Variants in SEPSECS observed in about 807,000 individuals in gnomAD.
SEPSECS encodes Sep (O-phosphoserine) tRNA:Sec (selenocysteine) tRNA synthase, also known as O-phosphoseryl-tRNA(Sec) selenium transferase.
Under a neutral mutation model 52.1 loss-of-function variants are expected in SEPSECS, and 42 were observed. The observed-to-expected ratio is 0.81, with a 90% CI of 0.63 to 1.04. The LOEUF is 1.04. Among genes scored for constraint, SEPSECS ranks in the 50% least tolerant of loss-of-function variants. SEPSECS has a pLI of 0.00. For synonymous variants in SEPSECS, 216 were observed against 211.4 expected, an observed-to-expected ratio of 1.02 and a Z score of -0.19; for missense variants, 590 against 610.6, an observed-to-expected ratio of 0.97 and a Z score of 0.36.
intron 8 of SEPSECS, among the ~76,000 whole-genome samples, chr4:25,131,130 A>AATTAT (rs1316057061): frequency 6.6e-6 from 1 of 152,226 alleles, no homozygotes; most frequent in Non-Finnish European, 1.5e-5. Context: ...AGAGAAGTTG[A>AATTAT]ATTATATTAA....
Position 25,124,171 on chromosome 4 carries a change from A to G in SEPSECS, c.1266T>C (p.Phe422=), listed in dbSNP as rs2109479314. The G allele has an allele frequency of 6.2e-7, 1 of 1,613,662 alleles. No individual in the cohort carries two copies. The highest frequency in any genetic ancestry group is 8.5e-7 in the Non-Finnish European group (1 of 1,179,714). Residue 422 remains phenylalanine (F), a synonymous_variant, in exon 11 of 11, where the codon TTT becomes TTC. Transcript: ENST00000382103. The part of the protein sequence containing the change: ...QTVSGYTFRG[F]MSHTNNYPCA... ...AAGGGTAATTATTTGTATGTGACAT[A>G]AAGCCTCTGAAAGTATAGCCACTCA...
intron 4 of SEPSECS, 139 bp from the exon 5 acceptor site, chr4:25,155,290 A>G (rs1712554251): frequency 1.1e-6 from 1 of 923,302 alleles, no homozygotes; most frequent in Non-Finnish European, 1.7e-6. Context: ...GGTAATAAAT[A>G]CACGGCTCAG....
At chr4:25,150,915 G>C (rs748650009) in intron 6 of SEPSECS, among the ~76,000 whole-genome samples, 1 of 152,116 alleles carries the variant, frequency 6.6e-6, no homozygotes, top group Non-Finnish European at 1.5e-5. Flanking sequence ...GCTGAGGTAG[G>C]AGGATCACTT....
chr4:25,149,294 G>A (rs1289605251), intron 6 of SEPSECS, among the ~76,000 whole-genome samples: 1 of 152,012 alleles, frequency 6.6e-6, no homozygotes, highest in Non-Finnish European at 1.5e-5. Flanking sequence ...TCAAACTCCT[G>A]GCTTCAAGTG....
rs183465966 is a variant in SEPSECS at position 25,124,705 on chromosome 4, A to G, written c.1212-480T>C. On this transcript the variant is annotated intron_variant, in intron 10 of 10. Transcript: ENST00000382103. ...TGTTACCTCAAATAATCAACAAACTAAAAGTCTAACTATCTGATCAGTGCT... is the reference window on the plus strand; with the variant it reads ...TGTTACCTCAAATAATCAACAAACTGAAAGTCTAACTATCTGATCAGTGCT... Among the ~76,000 whole-genome samples, 3 of 152,258 alleles carry G rather than the reference A, an allele frequency of 2.0e-5. No homozygotes were observed. The East Asian group carries it at 5.8e-4, about 29-fold the overall frequency.
rs962708006 is a variant in SEPSECS, at chr4:25,124,332, A to G, written c.1212-107T>C. ...AAAGCCTTACATCCACTTATTACGA[A>G]GTTTAAAACAGCCACAAATCATGGC... On this transcript the variant is annotated intron_variant, in intron 10 of 10. Transcript: ENST00000382103. The G allele has an allele frequency of 1.4e-5, 14 of 1,012,700 alleles. No individual in the cohort carries two copies. In the African/African-American group the frequency reaches 2.1e-4, roughly 15 times the overall value. The allele number at this position is 1,012,700 out of a possible 1,614,324, so 62.7% of individuals were successfully genotyped here.
intron 2 of SEPSECS, among the ~76,000 whole-genome samples, chr4:25,157,827 G>A: frequency 6.6e-6 from 1 of 152,064 alleles, no homozygotes; most frequent in Non-Finnish European, 1.5e-5. Context: ...TTACCGGCGT[G>A]AGCCACCGTG....
chr4:25,123,998 T>C lies in SEPSECS; in HGVS notation c.1439A>G (p.Asp480Gly). ...TAGTTTTAAAGCCATTTCTTCAATA[T>C]CCACATCTTCAGTTTTGTCATAATT... is the stretch of plus-strand genomic sequence containing the variant. ...DDNYDKTEDV[D>G]IEEMALKLDN... is the part of the protein sequence containing the mutation. The change falls in exon 11 of 11, where the codon GAT becomes GGT. Residue 480 changes from aspartate to glycine, a missense_variant. Coordinates refer to ENST00000382103, the MANE Select transcript of SEPSECS (RefSeq NM_016955.4). The C allele has an allele frequency of 6.2e-7, 1 of 1,613,570 alleles. No individual in the cohort carries two copies. Among genetic ancestry groups the C allele is most frequent in the South Asian group, 1.1e-5 (1 of 91,068 alleles).
chr4:25,123,893 C>T lies in SEPSECS; in HGVS notation c.*38G>A. 13 of 1,557,650 alleles carry T rather than the reference C, an allele frequency of 8.3e-6. No individual in the cohort carries two copies. The highest frequency in any genetic ancestry group is 1.2e-5 in the Non-Finnish European group (13 of 1,129,520). Reference sequence around the variant, plus strand: ...CTGCTTGCTTGTACTACAGCCTTATCATTTCTTTCAAATGATCAAGAAGAA... The same window carrying T: ...CTGCTTGCTTGTACTACAGCCTTATTATTTCTTTCAAATGATCAAGAAGAA... On this transcript the variant is annotated 3_prime_UTR_variant, in exon 11 of 11. Transcript: ENST00000382103.
chr4:25,128,074 C>T (rs1355717675), intron 8 of SEPSECS, among the ~76,000 whole-genome samples: 2 of 152,158 alleles, frequency 1.3e-5, no homozygotes, highest in African/African-American at 4.8e-5. Context: ...CAATCTCCTT[C>T]CCAATCCCAG....
rs142568584 is a variant in SEPSECS at position 25,135,046 on chromosome 4, G to C, written c.1027-7689C>G. ...AGAGATAACATACTGGAATCTCTGGGATACAGCTAAAGCAGTGTTAAAAGG... is the reference window on the plus strand; with the variant it reads ...AGAGATAACATACTGGAATCTCTGGCATACAGCTAAAGCAGTGTTAAAAGG... On this transcript the variant is annotated intron_variant, in intron 8 of 10. Transcript: ENST00000382103. 2.0e-3 allele frequency among the ~76,000 whole-genome samples: 300 copies of C among 152,262 alleles called. 2 individuals are homozygous for C. Among genetic ancestry groups the C allele is most frequent in the African/African-American group, 6.7e-3 (277 of 41,562 alleles).
chr4:25,155,275 C>G, intron 4 of SEPSECS, 124 bp from the exon 5 acceptor site: 1 of 1,063,798 alleles, frequency 9.4e-7, no homozygotes, highest in Non-Finnish European at 1.4e-6. Flanking sequence ...GATTAACCTT[C>G]CTCTGGTAAT....
intron 8 of SEPSECS, among the ~76,000 whole-genome samples, chr4:25,137,258 TATC>T (rs1728875125): frequency 6.6e-6 from 1 of 152,134 alleles, no homozygotes; most frequent in South Asian, 2.1e-4. Flanking sequence ...CAAAAGAAAC[TATC>T]ATCAGAGTGA....
chr4:25,159,328 T>C (rs1335760076), intron 1 of SEPSECS, among the ~76,000 whole-genome samples: 1 of 152,180 alleles, frequency 6.6e-6, no homozygotes, highest in Non-Finnish European at 1.5e-5. Flanking sequence ...GATAAATGCA[T>C]ACAATGAGGT....
rs564727210 is a variant in SEPSECS, at chr4:25,141,786, C to T, written c.1026+2988G>A. Among the ~76,000 whole-genome samples the T allele has an allele frequency of 2.0e-5, 3 of 152,284 alleles. No homozygotes were observed. The East Asian group carries it at 5.8e-4, about 29-fold the overall frequency. ...GGCCTAGAAGGCCCCACGTGATCAG[C>T]CCCACCCTCATTACCACCCTGACCT... On this transcript the variant is annotated intron_variant, in intron 8 of 10. Coordinates refer to ENST00000382103, the MANE Select transcript of SEPSECS (RefSeq NM_016955.4).
rs557794268 is a variant in SEPSECS, at chr4:25,129,306, A to G, written c.1027-1949T>C. ...CATTATCATTTCCAGAAACAAAAAA[A>G]AAGCATCTTTTCTTAGACATATAAA... is the stretch of plus-strand genomic sequence containing the variant. On this transcript the variant is annotated intron_variant, in intron 8 of 10. Coordinates refer to ENST00000382103, the MANE Select transcript of SEPSECS (RefSeq NM_016955.4). Among the ~76,000 whole-genome samples, 18 of 152,192 alleles carry G rather than the reference A, an allele frequency of 1.2e-4. 2 individuals carry two copies. The South Asian group carries it at 3.3e-3, about 28-fold the overall frequency.
chr4:25,151,205 A>G (rs1260151419), intron 6 of SEPSECS, among the ~76,000 whole-genome samples: 1 of 152,210 alleles, frequency 6.6e-6, no homozygotes, highest in African/African-American at 2.4e-5. Flanking sequence ...TCACTGACAG[A>G]GTTTCTGAGG....
chr4:25,157,747 A>T (rs190899609), intron 2 of SEPSECS, among the ~76,000 whole-genome samples: 2 of 151,950 alleles, frequency 1.3e-5, no homozygotes, highest in Non-Finnish European at 2.9e-5. Context: ...GGGTTTCACC[A>T]TGTTAGCCAG....
chr4:25,125,528 G>GCATA (rs1728323585), intron 10 of SEPSECS, 166 bp downstream of exon 10: 1 of 653,772 alleles, frequency 1.5e-6, no homozygotes, highest in South Asian at 1.7e-5. Flanking sequence ...CCACAGGTGG[G>GCATA]CATACAGTAG....
Sources: allele counts gnomAD v4.1 joint callset (sites outside exome capture counted in the v4.1 genomes callset), GRCh38; gene constraint gnomAD v4.1.1; transcripts MANE v1.5; gene names NCBI Gene and HGNC (gene_info 2026-07-23, HGNC 2026-07-21).